The following PCDH15 variants were observed in gnomAD, a reference collection of about 807,000 sequenced individuals.
The protein encoded by PCDH15 is protocadherin-15.
PCDH15 carries 129 observed loss-of-function variants against 178.5 expected under a neutral mutation model. The ratio of observed to expected loss-of-function variants is 0.72; its 90% CI spans 0.63 to 0.84. The LOEUF is 0.84. PCDH15 is among the 40% of genes least tolerant of loss of function. The pLI is 0.00. For synonymous variants in PCDH15, 800 were observed against 732.0 expected, an observed-to-expected ratio of 1.09 and a Z score of -1.50; for missense variants, 2,230 against 2,099.9, an observed-to-expected ratio of 1.06 and a Z score of -1.21.
At chr10:54,608,002 T>C (rs775963069) in intron 2 of PCDH15, 1 of 473,936 alleles carries the variant, frequency 2.1e-6, no homozygotes, top group Non-Finnish European at 4.1e-6. Context: ...TTTTGGTTAT[T>C]GTGAGAAGAC....
chr10:54,374,006 T>A (rs1948056364), intron 4 of PCDH15, among the ~76,000 whole-genome samples: 1 of 152,012 alleles, frequency 6.6e-6, no homozygotes, highest in South Asian at 2.1e-4. Flanking sequence ...AAGAAAATTA[T>A]ATAGACAGGG....
At chr10:54,982,477 G>A (rs1381982267) in intron 2 of PCDH15, among the ~76,000 whole-genome samples, 1 of 152,098 alleles carries the variant, frequency 6.6e-6, no homozygotes, top group Non-Finnish European at 1.5e-5. Flanking sequence ...AATATTATTT[G>A]CATAGGTAGG....
chr10:54,047,785 A>G (rs1448794210), intron 18 of PCDH15, among the ~76,000 whole-genome samples: 1 of 152,140 alleles, frequency 6.6e-6, no homozygotes, highest in Non-Finnish European at 1.5e-5. Flanking sequence ...CATGCTATAT[A>G]TGTACCATAT....
chr10:55,110,299 C>G (rs1299574398), intron 2 of PCDH15, among the ~76,000 whole-genome samples: 2 of 151,820 alleles, frequency 1.3e-5, no homozygotes, highest in African/African-American at 4.8e-5. Context: ...ATAAGATATT[C>G]AATGTATATT....
At chr10:54,983,361 G>T (rs1266044248) in intron 2 of PCDH15, among the ~76,000 whole-genome samples, 1 of 152,030 alleles carries the variant, frequency 6.6e-6, no homozygotes, top group Non-Finnish European at 1.5e-5. Flanking sequence ...TATAAAAATT[G>T]ACCAATAGTG....
At chr10:54,691,600 A>AT in intron 1 of PCDH15, among the ~76,000 whole-genome samples, 1 of 151,538 alleles carries the variant, frequency 6.6e-6, no homozygotes, top group African/African-American at 2.4e-5. Context: ...CTGTACTCAG[A>AT]GGAGTATTTT....
intron 2 of PCDH15, among the ~76,000 whole-genome samples, chr10:55,399,719 A>C (rs971105304): frequency 8.5e-5 from 13 of 152,156 alleles, no homozygotes; most frequent in African/African-American, 1.2e-4. Flanking sequence ...GTGCTGTTCA[A>C]GGGCAAAAGC....
intron 2 of PCDH15, among the ~76,000 whole-genome samples, chr10:55,585,925 G>A (rs373132977): frequency 1.6e-4 from 24 of 152,066 alleles, no homozygotes; most frequent in Admixed American, 9.8e-4. Flanking sequence ...TGTTTTCACC[G>A]TATGGGGTCT....
At chr10:55,084,706 A>G (rs1842123429) in intron 2 of PCDH15, among the ~76,000 whole-genome samples, 1 of 152,040 alleles carries the variant, frequency 6.6e-6, no homozygotes, top group African/African-American at 2.4e-5. Context: ...AGAATATATA[A>G]GGAGCTCAAA....
At chr10:54,565,013 C>T (rs2088809115) in intron 2 of PCDH15, among the ~76,000 whole-genome samples, 1 of 152,144 alleles carries the variant, frequency 6.6e-6, no homozygotes, top group Admixed American at 6.6e-5. Context: ...CAGAAAACTG[C>T]AGATGTCTAT....
intron 2 of PCDH15, among the ~76,000 whole-genome samples, chr10:55,060,715 G>C (rs566729826): frequency 6.6e-6 from 1 of 151,862 alleles, no homozygotes; most frequent in Non-Finnish European, 1.5e-5. Flanking sequence ...TCAAAAAAAC[G>C]ATTTTATATG....
At chr10:54,168,312 T>C in intron 13 of PCDH15, among the ~76,000 whole-genome samples, 1 of 152,140 alleles carries the variant, frequency 6.6e-6, no homozygotes, top group Non-Finnish European at 1.5e-5. Flanking sequence ...CCAATGCAAC[T>C]CGTCCCAAAT....
At chr10:53,957,260 T>C (rs1052549091) in intron 23 of PCDH15, among the ~76,000 whole-genome samples, 1 of 152,154 alleles carries the variant, frequency 6.6e-6, no homozygotes, top group Non-Finnish European at 1.5e-5. Flanking sequence ...TGAGCGTTTT[T>C]TTGGATCCAC....
At position 55,135,574 on chromosome 10, in the gene PCDH15, C is replaced by CTTT. The variant is rs56956557; in HGVS notation, c.-80+30999_-80+31001dup. Among the ~76,000 whole-genome samples, 134 of 68,232 alleles carry CTTT rather than the reference C, an allele frequency of 2.0e-3. 8 individuals are homozygous for CTTT. Among genetic ancestry groups the CTTT allele is most frequent in the African/African-American group, 4.9e-3 (88 of 17,990 alleles). 44.8% of individuals were successfully genotyped at this position (68,232 alleles called of 152,430 possible). A position where few individuals can be genotyped will look rare whatever the true frequency, so the allele number is the denominator to read the frequency against. On this transcript the variant is annotated intron_variant, in intron 2 of 5. Coordinates refer to the PCDH15 transcript ENST00000458638. Reference sequence around the variant, plus strand: ...AGTTATAAAGCTTTTTCTTTTCTTTCTTTTTTTTTTTTTTTTTTTTTTTTT... The same window carrying CTTT: ...AGTTATAAAGCTTTTTCTTTTCTTTCTTTTTTTTTTTTTTTTTTTTTTTTTTTT...
chr10:54,346,270 T>C, intron 6 of PCDH15, 95 bp downstream of exon 6: 1 of 1,204,204 alleles, frequency 8.3e-7, no homozygotes, highest in South Asian at 1.3e-5. Context: ...AATCTGGTTC[T>C]GGAAGTTACT....
chr10:54,170,607 A>G (rs934323059), intron 13 of PCDH15, among the ~76,000 whole-genome samples: 2 of 151,228 alleles, frequency 1.3e-5, no homozygotes, highest in African/African-American at 2.5e-5. Flanking sequence ...CCAGACTTCA[A>G]TCCGGCCTCC....
At chr10:54,945,525 G>A (rs965731907) in intron 2 of PCDH15, among the ~76,000 whole-genome samples, 7 of 151,434 alleles carry the variant, frequency 4.6e-5, no homozygotes, top group African/African-American at 1.5e-4. Context: ...AAATCAGTAT[G>A]AGAAATTTGT....
At chr10:54,041,269 C>T (rs2093537440) in intron 18 of PCDH15, among the ~76,000 whole-genome samples, 1 of 151,982 alleles carries the variant, frequency 6.6e-6, no homozygotes, top group Admixed American at 6.6e-5. Context: ...TATTATTTTC[C>T]CCAAATACAT....
chr10:54,670,796 C>T (rs1232597114), intron 1 of PCDH15, among the ~76,000 whole-genome samples: 1 of 152,082 alleles, frequency 6.6e-6, no homozygotes, highest in African/African-American at 2.4e-5. Context: ...GCATATCAGA[C>T]ACTAAGCTTC....
Sources: allele counts gnomAD v4.1 joint callset (sites outside exome capture counted in the v4.1 genomes callset), GRCh38; gene constraint gnomAD v4.1.1; transcripts MANE v1.5; gene names NCBI Gene and HGNC (gene_info 2026-07-23, HGNC 2026-07-21).